The following NUP210L variants were observed in gnomAD, a reference collection of about 807,000 sequenced individuals.
NUP210L encodes nuclear pore membrane glycoprotein 210-like.
NUP210L carries 74 observed loss-of-function variants against 208.5 expected under a neutral mutation model. The ratio of observed to expected loss-of-function variants is 0.35; its 90% CI spans 0.29 to 0.43. The LOEUF (loss-of-function observed/expected upper bound fraction) is 0.43, where lower values mean the gene tolerates loss of function less well. Among genes scored for constraint, NUP210L ranks in the 20% least tolerant of loss-of-function variants. The pLI, the probability that NUP210L is intolerant of heterozygous loss-of-function variation, is 1.00. For missense variants in NUP210L, 1,843 were observed against 2,289.4 expected (o/e 0.81, Z 3.98); for synonymous variants, 780 against 816.9 (o/e 0.95, Z 0.77).
intron 8 of NUP210L, among the ~76,000 whole-genome samples, chr1:154,127,948 C>T (rs1043360817): frequency 1.3e-5 from 2 of 152,032 alleles, no homozygotes; most frequent in African/African-American, 4.8e-5. Context: ...ACTGCAGCCT[C>T]GACCTCCTGG....
rs1649533226 is a variant in NUP210L at position 153,992,752 on chromosome 1, T to C, written c.*83A>G. The C allele has an allele frequency of 6.9e-6, 6 of 863,880 alleles. No individual in the cohort carries two copies. The East Asian group carries it at 1.5e-4, about 21-fold the overall frequency. 53.5% of individuals were successfully genotyped at this position (863,880 alleles called of 1,614,324 possible). A position where few individuals can be genotyped will look rare whatever the true frequency, so the allele number is the denominator to read the frequency against. On this transcript the variant is annotated 3_prime_UTR_variant, in exon 40 of 40. Transcript: ENST00000368559. ...TCAGAAGCCTTATCTGGAAACTTAA[T>C]GTAGAAGTTGCTGTTAGGCTTCTTG... is the stretch of plus-strand genomic sequence containing the variant.
rs1306690320 is a variant in NUP210L at position 154,147,533 on chromosome 1, TG to T, written c.341-3957del. Among the ~76,000 whole-genome samples, 2 of 149,078 alleles carry T rather than the reference TG, an allele frequency of 1.3e-5. 1 individual carries two copies. The highest frequency in any genetic ancestry group is 4.3e-4 in the South Asian group (2 of 4,680). ...TTTCTTTTTTTTTTTAGTAGAGACT[TG>T]GTCTTGCTAATGTTGCCCAGGCTGG... On this transcript the variant is annotated intron_variant, in intron 2 of 39. Coordinates refer to ENST00000368559, the Ensembl canonical transcript of NUP210L.
chr1:154,148,407 C>T (rs536125050), intron 2 of NUP210L, among the ~76,000 whole-genome samples: 6 of 152,190 alleles, frequency 3.9e-5, no homozygotes, highest in Admixed American at 1.3e-4. Flanking sequence ...CACTTGATAC[C>T]GGGAAGCAAA....
intron 27 of NUP210L, among the ~76,000 whole-genome samples, chr1:154,031,128 G>T (rs1652191198): frequency 1.3e-5 from 2 of 151,982 alleles, no homozygotes; most frequent in Admixed American, 1.3e-4. Flanking sequence ...TTGTTCTGTT[G>T]ACCAGTTTGG....
chr1:154,047,449 T>G (rs2841103), intron 25 of NUP210L, among the ~76,000 whole-genome samples: 86,840 of 151,802 alleles, frequency 0.57, 25,734 homozygotes, highest in East Asian at 0.95. Context: ...ACATGTTCGT[T>G]ATGGCCATGA....
intron 24 of NUP210L, 150 bp downstream of exon 24, chr1:154,054,620 G>A: frequency 2.7e-6 from 2 of 745,394 alleles, no homozygotes; most frequent in Non-Finnish European, 4.5e-6. Context: ...TCATAGGTCA[G>A]GGAAAATACT....
intron 10 of NUP210L, among the ~76,000 whole-genome samples, chr1:154,120,105 A>G (rs1376104818): frequency 2.0e-5 from 3 of 152,194 alleles, no homozygotes; most frequent in Non-Finnish European, 2.9e-5. Flanking sequence ...GTGAGATGAT[A>G]TCTCATTGTG....
intron 17 of NUP210L, among the ~76,000 whole-genome samples, chr1:154,063,034 T>A (rs185762255): frequency 2.6e-5 from 4 of 152,330 alleles, no homozygotes; most frequent in Admixed American, 2.6e-4. Context: ...GCCTACTACA[T>A]GCCAGGTGCT....
intron 27 of NUP210L, among the ~76,000 whole-genome samples, chr1:154,044,408 A>AG (rs200584227): frequency 2.7e-5 from 2 of 75,126 alleles, no homozygotes; most frequent in South Asian, 4.9e-4. Flanking sequence ...ACTCTGTCTC[A>AG]AAAAAAAAAA....
In NUP210L at chr1:154,016,736, G is replaced by A. The variant is rs573740729; in HGVS notation, c.4653+2197C>T. ...AGGCAGGCCTATCACTTGGGCTCAG[G>A]AGTTCGAGACCAGCATGGGCAACAT... On this transcript the variant is annotated intron_variant, in intron 33 of 39. Coordinates refer to ENST00000368559, the Ensembl canonical transcript of NUP210L. Among the ~76,000 whole-genome samples the A allele has an allele frequency of 1.4e-4, 21 of 152,260 alleles. No individual in the cohort carries two copies. The East Asian group carries it at 4.1e-3, about 29-fold the overall frequency.
At chr1:154,062,872 A>C (rs1654215159) in intron 17 of NUP210L, among the ~76,000 whole-genome samples, 1 of 152,064 alleles carries the variant, frequency 6.6e-6, no homozygotes, top group Non-Finnish European at 1.5e-5. Context: ...GAGCTACTGC[A>C]CATGGCCTTT....
intron 16 of NUP210L, among the ~76,000 whole-genome samples, chr1:154,083,613 G>T (rs112592833): frequency 7.6e-4 from 116 of 152,114 alleles, no homozygotes; most frequent in African/African-American, 2.2e-3. Context: ...ACACCCAGCT[G>T]GTGTCTGCTG....
chr1:154,054,501 T>A (rs890926248), intron 24 of NUP210L, 94 bp from the exon 25 acceptor site: 36 of 1,183,030 alleles, frequency 3.0e-5, no homozygotes, highest in Non-Finnish European at 4.3e-5. Flanking sequence ...GACTTCTTCA[T>A]CTTCCCCCAT....
chr1:154,036,791 A>G lies in NUP210L; in HGVS notation c.3697-6737T>C, dbSNP rs530660193. Among the ~76,000 whole-genome samples the G allele has an allele frequency of 4.0e-5, 6 of 150,608 alleles. No homozygotes were observed. The South Asian group carries it at 1.3e-3, about 32-fold the overall frequency. ...TTTTTTTCTTTTGAGACAGGGTCTCACTCTGTCACCTACGCTAGAGTGCAG... is the reference window on the plus strand; with the variant it reads ...TTTTTTTCTTTTGAGACAGGGTCTCGCTCTGTCACCTACGCTAGAGTGCAG... On this transcript the variant is annotated intron_variant, in intron 27 of 39. Transcript: ENST00000368559.
At chr1:154,108,323 A>G (rs1656869255) in intron 12 of NUP210L, among the ~76,000 whole-genome samples, 1 of 151,992 alleles carries the variant, frequency 6.6e-6, no homozygotes, top group Non-Finnish European at 1.5e-5. Flanking sequence ...ACAACCAGCT[A>G]ATTTTTGTAT....
At chr1:154,022,170 A>G (rs540132385) in exon 32 of NUP210L, 4 of 1,614,168 alleles carry the variant, frequency 2.5e-6, no homozygotes, top group African/African-American at 1.3e-5. Context: ...GATATCTCCA[A>G]CAAAGGTAAG....
At chr1:154,014,649 A>G (rs1393340538) in intron 33 of NUP210L, among the ~76,000 whole-genome samples, 1 of 152,208 alleles carries the variant, frequency 6.6e-6, no homozygotes, top group Non-Finnish European at 1.5e-5. Context: ...CCACTAGACT[A>G]TGAGCTCCTC....
chr1:154,036,124 A>G (rs1652528452), intron 27 of NUP210L, among the ~76,000 whole-genome samples: 1 of 151,968 alleles, frequency 6.6e-6, no homozygotes, highest in Non-Finnish European at 1.5e-5. Flanking sequence ...TAAATTCTTA[A>G]TTTATTCATT....
intron 24 of NUP210L, 120 bp from the exon 25 acceptor site, chr1:154,054,527 T>A: frequency 1.1e-6 from 1 of 926,636 alleles, no homozygotes; most frequent in Non-Finnish European, 1.7e-6. Context: ...GAACAACATA[T>A]CCCATATCAA....
Sources: gnomAD v4.1 joint callset for allele counts (sites outside exome capture counted in the v4.1 genomes callset) on GRCh38, gnomAD v4.1.1 for gene constraint, MANE v1.5 for transcripts, NCBI Gene and HGNC (gene_info 2026-07-23, HGNC 2026-07-21) for gene names.